Variants in CACNA1D observed in about 807,000 individuals in gnomAD.
The protein encoded by CACNA1D is calcium voltage-gated channel subunit alpha1 D.
A neutral mutation model predicts 257.1 loss-of-function variants in CACNA1D; 55 were observed. The ratio of observed to expected loss-of-function variants is 0.21; its 90% CI spans 0.17 to 0.27. The LOEUF (loss-of-function observed/expected upper bound fraction) is 0.27, where lower values mean the gene tolerates loss of function less well. Ranked by LOEUF, CACNA1D falls within the 10% of genes least tolerant of loss-of-function variation. CACNA1D has a pLI of 1.00. For synonymous variants in CACNA1D, 980 were observed against 1,014.9 expected, an observed-to-expected ratio of 0.97 and a Z score of 0.65; for missense variants, 1,876 against 2,784.0, an observed-to-expected ratio of 0.67 and a Z score of 7.34.
intron 47 of CACNA1D, among the ~76,000 whole-genome samples, chr3:53,810,786 AC>A (rs1290339805): frequency 0.016 from 1,990 of 123,726 alleles, 215 homozygotes; most frequent in African/African-American, 0.063. Context: ...AAAAAAAAAA[AC>A]AAAAACTGGT....
intron 3 of CACNA1D, among the ~76,000 whole-genome samples, chr3:53,547,260 C>G (rs1042400685): frequency 3.9e-5 from 6 of 152,116 alleles, no homozygotes; most frequent in Admixed American, 2.0e-4. Flanking sequence ...TGCTTGCCCC[C>G]CATTCATTTG....
intron 3 of CACNA1D, 98 bp downstream of exon 3, chr3:53,501,818 A>T: frequency 1.3e-6 from 1 of 746,386 alleles, no homozygotes; most frequent in East Asian, 2.5e-5. Context: ...TGAAGTTTAT[A>T]GCTATGCATG....
At chr3:53,746,706 G>A (rs4687737) in intron 25 of CACNA1D, among the ~76,000 whole-genome samples, 123 of 152,306 alleles carry the variant, frequency 8.1e-4, no homozygotes, top group Non-Finnish European at 1.4e-3. Flanking sequence ...TGGCATTGGC[G>A]TGAGGACACT....
intron 3 of CACNA1D, among the ~76,000 whole-genome samples, chr3:53,523,133 A>G (rs1351127470): frequency 5.9e-5 from 9 of 152,138 alleles, no homozygotes; most frequent in African/African-American, 1.7e-4. Flanking sequence ...TTCATTTTAG[A>G]GGCAGTCAGT....
At chr3:53,796,613 A>G (rs78882827) in intron 40 of CACNA1D, among the ~76,000 whole-genome samples, 1,717 of 152,346 alleles carry the variant, frequency 0.011, 41 homozygotes, top group African/African-American at 0.039. Context: ...ATGTCATCAT[A>G]TTATGCTATT....
rs956815256 is a variant in CACNA1D, at chr3:53,685,614, A to G, written c.1220+12488A>G. ...TTACCTCTCGATTGAAATTTTACAA[A>G]GTATCTTTGTTCTAATGGCAGTAGA... On this transcript the variant is annotated intron_variant, in intron 8 of 47. Coordinates refer to ENST00000350061, the MANE Select transcript of CACNA1D (RefSeq NM_001128840.3). 7.9e-5 allele frequency among the ~76,000 whole-genome samples: 12 copies of G among 152,190 alleles called. No individual in the cohort carries two copies. The South Asian group carries it at 8.3e-4, about 10-fold the overall frequency.
chr3:53,702,531 C>G, intron 8 of CACNA1D, 110 bp from the exon 9 acceptor site: 1 of 997,738 alleles, frequency 1.0e-6, no homozygotes, highest in Non-Finnish European at 1.6e-6. Flanking sequence ...TGTGACTATA[C>G]TCAGTGCTGT....
At chr3:53,635,955 A>G (rs1278608801) in intron 3 of CACNA1D, among the ~76,000 whole-genome samples, 1 of 152,062 alleles carries the variant, frequency 6.6e-6, no homozygotes, top group Admixed American at 6.5e-5. Context: ...CTAGAAACCA[A>G]CCACCGGAAA....
chr3:53,531,297 T>C (rs2091942200), intron 3 of CACNA1D, among the ~76,000 whole-genome samples: 1 of 152,202 alleles, frequency 6.6e-6, no homozygotes, highest in East Asian at 1.9e-4. Context: ...ATAATGCGTT[T>C]GGAATTGTAA....
At chr3:53,797,042 T>A (rs1400536907) in intron 40 of CACNA1D, among the ~76,000 whole-genome samples, 1 of 152,210 alleles carries the variant, frequency 6.6e-6, no homozygotes, top group Non-Finnish European at 1.5e-5. Context: ...AATAGATAAT[T>A]TTACTGTTTG....
rs182970330 is a variant in CACNA1D, at chr3:53,800,209, A to C, written c.4924-40A>C. 1.5e-5 allele frequency: 21 copies of C among 1,410,138 alleles called. No homozygotes were observed. In the African/African-American group the frequency reaches 2.2e-4, roughly 15 times the overall value. The allele number at this position is 1,410,138 out of a possible 1,614,324, so 87.4% of individuals were successfully genotyped here. On this transcript the variant is annotated intron_variant, in intron 40 of 47. Transcript: ENST00000350061. The surrounding 1 kb of genome is among the most constrained non-coding windows in gnomAD (Gnocchi z 4.3). ...AGGACCCAGGCTGGCCCCAGGGCCC[A>C]TGTGTGGTCTAACCTGTTCTGCCAT...
At chr3:53,637,894 T>A (rs532764422) in intron 3 of CACNA1D, among the ~76,000 whole-genome samples, 1 of 152,358 alleles carries the variant, frequency 6.6e-6, no homozygotes, top group Admixed American at 6.5e-5. Flanking sequence ...AAAGCAATGA[T>A]GAATTATGTG....
At chr3:53,601,213 G>A (rs2093437438) in intron 3 of CACNA1D, among the ~76,000 whole-genome samples, 1 of 152,220 alleles carries the variant, frequency 6.6e-6, no homozygotes, top group Non-Finnish European at 1.5e-5. Context: ...TGCACAGAGG[G>A]TTGTACTGTT....
rs2095012841 is a variant in CACNA1D at position 53,732,918 on chromosome 3, C to G, written c.2577C>G (p.Pro859=). The change falls in exon 19 of 48, where the codon CCC becomes CCG. Residue 859 remains proline, a synonymous_variant. Transcript: ENST00000350061. ...SELNMKEKIA[P]IPEGSAFFIL... is the part of the protein sequence containing the mutation. Reference sequence around the variant, plus strand: ...TGAACATGAAGGAAAAAATTGCCCCCATCCCTGAAGGGAGCGCTTTCTTCA... The same window carrying G: ...TGAACATGAAGGAAAAAATTGCCCCGATCCCTGAAGGGAGCGCTTTCTTCA... 1 of 1,613,904 alleles carries G rather than the reference C, an allele frequency of 6.2e-7. No homozygotes were observed. The highest frequency in any genetic ancestry group is 1.1e-5 in the South Asian group (1 of 91,070).
chr3:53,718,543 G>A (rs2094845227), intron 10 of CACNA1D, 155 bp downstream of exon 10: 2 of 1,040,788 alleles, frequency 1.9e-6, no homozygotes, highest in South Asian at 2.7e-5. Context: ...GCTTCCTCCT[G>A]TGCCAGGGCT....
intron 3 of CACNA1D, among the ~76,000 whole-genome samples, chr3:53,591,538 G>A (rs1576002337): frequency 6.6e-6 from 1 of 152,236 alleles, no homozygotes; most frequent in East Asian, 1.9e-4. Context: ...ACAGGGGTGA[G>A]CCACCACACC....
intron 9 of CACNA1D, among the ~76,000 whole-genome samples, chr3:53,712,962 T>A (rs1364504116): frequency 6.6e-6 from 1 of 152,188 alleles, no homozygotes; most frequent in Non-Finnish European, 1.5e-5. Context: ...ACTGAGGCTC[T>A]CCTGTGACGC....
intron 43 of CACNA1D, 134 bp from the exon 44 acceptor site, chr3:53,803,289 C>T: frequency 1.1e-6 from 1 of 906,516 alleles, no homozygotes; most frequent in Non-Finnish European, 1.8e-6. Flanking sequence ...CAGTCCAGTG[C>T]TGCCTGAGGC....
intron 3 of CACNA1D, among the ~76,000 whole-genome samples, chr3:53,584,128 C>T (rs2093175783): frequency 6.6e-6 from 1 of 152,082 alleles, no homozygotes; most frequent in Admixed American, 6.6e-5. Flanking sequence ...GTCTCTCTAT[C>T]TGGGCCGTTC....
Sources: allele counts gnomAD v4.1 joint callset (sites outside exome capture counted in the v4.1 genomes callset), GRCh38; gene constraint gnomAD v4.1.1; non-coding constraint Gnocchi (gnomAD v3.1); transcripts MANE v1.5; gene names NCBI Gene and HGNC (gene_info 2026-07-23, HGNC 2026-07-21).